POU2AF2: variants seen among roughly 807,000 people sequenced by gnomAD.
The protein encoded by POU2AF2 is POU class 2 homeobox associating factor 2, also known as POU domain class 2-associating factor 2.
At chr11:111,269,914 A>G in the POU2AF2 span, among the ~76,000 whole-genome samples, 2 of 152,362 alleles carry the variant, frequency 1.3e-5, no homozygotes, top group African/African-American at 2.4e-5. Flanking sequence ...GACATAAAAT[A>G]GTTTATATCC....
the POU2AF2 span, among the ~76,000 whole-genome samples, chr11:111,276,445 A>ATATATAT: frequency 1.7e-4 from 5 of 29,682 alleles, no homozygotes; most frequent in African/African-American, 4.5e-4. Flanking sequence ...AAAAGAAAAA[A>ATATATAT]AAAAAAAAAT....
chr11:111,281,497 G>A, the POU2AF2 span: 11 of 1,575,534 alleles, frequency 7.0e-6, no homozygotes, highest in Non-Finnish European at 9.6e-6. Context: ...TCAAGCATCT[G>A]GGCTTCCATT....
chr11:111,249,787 C>T, the POU2AF2 span, among the ~76,000 whole-genome samples: 4 of 152,114 alleles, frequency 2.6e-5, no homozygotes, highest in East Asian at 7.7e-4. Flanking sequence ...GATGCTACTA[C>T]TCTGGTATAT....
chr11:111,269,862 A>T, the POU2AF2 span, among the ~76,000 whole-genome samples: 1 of 152,230 alleles, frequency 6.6e-6, no homozygotes, highest in African/African-American at 2.4e-5. Flanking sequence ...TTAAGAAATT[A>T]TCTGAAAATG....
the POU2AF2 span, among the ~76,000 whole-genome samples, chr11:111,264,421 G>A: frequency 2.3e-3 from 348 of 151,536 alleles, 3 homozygotes; most frequent in Admixed American, 3.8e-3. Context: ...GCTTGAACCC[G>A]GGAGGCGGAG....
the POU2AF2 span, among the ~76,000 whole-genome samples, chr11:111,261,571 G>C: frequency 6.6e-6 from 1 of 151,940 alleles, no homozygotes; most frequent in African/African-American, 2.4e-5. Context: ...TGACATGAGG[G>C]GGGAAAAATG....
the POU2AF2 span, among the ~76,000 whole-genome samples, chr11:111,273,577 T>G: frequency 6.6e-6 from 1 of 152,200 alleles, no homozygotes; most frequent in Admixed American, 6.5e-5. Flanking sequence ...TAAACTAAAT[T>G]TTATCTCAAT....
chr11:111,283,339 G>A, the POU2AF2 span, among the ~76,000 whole-genome samples: 2 of 151,058 alleles, frequency 1.3e-5, no homozygotes, highest in Non-Finnish European at 3.0e-5. Flanking sequence ...GTGAGCCACC[G>A]AGCCTGCACC....
the POU2AF2 span, among the ~76,000 whole-genome samples, chr11:111,270,832 G>A: frequency 1.3e-5 from 2 of 152,118 alleles, no homozygotes; most frequent in African/African-American, 4.8e-5. Flanking sequence ...CTAAAAGGAG[G>A]CCAAATAGAA....
the POU2AF2 span, among the ~76,000 whole-genome samples, chr11:111,247,563 G>T: frequency 6.6e-6 from 1 of 152,094 alleles, no homozygotes; most frequent in African/African-American, 2.4e-5. Flanking sequence ...TGAGGTGGGT[G>T]GATCATGAGG....
At chr11:111,259,596 G>A in the POU2AF2 span, among the ~76,000 whole-genome samples, 24 of 152,234 alleles carry the variant, frequency 1.6e-4, no homozygotes, top group Admixed American at 1.2e-3. Context: ...GATTACAGGC[G>A]TGAGCCACCG....
the POU2AF2 span, among the ~76,000 whole-genome samples, chr11:111,280,058 ATATATATAT>A: frequency 8.3e-5 from 3 of 36,060 alleles, no homozygotes; most frequent in Non-Finnish European, 1.4e-4. Flanking sequence ...AAAAAAAAAA[ATATATATAT>A]ATATATATAT....
chr11:111,278,307 T>TA, the POU2AF2 span, among the ~76,000 whole-genome samples: 1 of 152,228 alleles, frequency 6.6e-6, no homozygotes, highest in Non-Finnish European at 1.5e-5. Context: ...GCTTTACTCT[T>TA]AATTACCATG....
the POU2AF2 span, among the ~76,000 whole-genome samples, chr11:111,264,717 GAGAA>G: frequency 7.9e-5 from 11 of 139,682 alleles, no homozygotes; most frequent in Non-Finnish European, 1.2e-4. Flanking sequence ...AGAAGAAGAA[GAGAA>G]AGAAAGAAAG....
At chr11:111,268,692 C>A in the POU2AF2 span, among the ~76,000 whole-genome samples, 3 of 151,682 alleles carry the variant, frequency 2.0e-5, no homozygotes, top group Middle Eastern at 0.01. Context: ...CGCCACCATG[C>A]CTGGCTATGT....
At chr11:111,264,555 A>C in the POU2AF2 span, among the ~76,000 whole-genome samples, 6 of 71,672 alleles carry the variant, frequency 8.4e-5, no homozygotes, top group Admixed American at 5.2e-4. Flanking sequence ...AAAGAAAGAA[A>C]GAAAGAAAGA....
chr11:111,247,156 T>C, the POU2AF2 span, among the ~76,000 whole-genome samples: 3 of 147,456 alleles, frequency 2.0e-5, no homozygotes, highest in Non-Finnish European at 4.5e-5. Context: ...TCTTTTTAAG[T>C]CTGAATTTTA....
At chr11:111,285,877 C>A in the POU2AF2 span, 3 of 1,611,104 alleles carry the variant, frequency 1.9e-6, no homozygotes, top group Non-Finnish European at 2.5e-6. Flanking sequence ...GGTACCCTAC[C>A]CCGCCTCCTT....
chr11:111,265,825 G>C, the POU2AF2 span, among the ~76,000 whole-genome samples: 3 of 151,316 alleles, frequency 2.0e-5, no homozygotes, highest in Middle Eastern at 3.4e-3. Flanking sequence ...CATTAGAAAG[G>C]CTACTGGGTA....
Sources: gnomAD v4.1 joint callset for allele counts (sites outside exome capture counted in the v4.1 genomes callset) on GRCh38, gnomAD v4.1.1 for gene constraint, MANE v1.5 for transcripts, NCBI Gene and HGNC (gene_info 2026-07-23, HGNC 2026-07-21) for gene names.